Variants in DYNLL2 observed in about 807,000 individuals in gnomAD.
The protein encoded by DYNLL2 is dynein light chain 2, cytoplasmic.
DYNLL2 carries 1 observed loss-of-function variant against 9.7 expected under a neutral mutation model. The observed-to-expected ratio is 0.10, with a 90% CI of 0.04 to 0.49. DYNLL2 has a LOEUF of 0.49. DYNLL2 is among the 20% of genes least tolerant of loss of function. DYNLL2 has a pLI of 0.95. For missense variants in DYNLL2, 37 were observed against 115.2 expected, an observed-to-expected ratio of 0.32 and a Z score of 3.11; for synonymous variants, 35 against 40.5, an observed-to-expected ratio of 0.86 and a Z score of 0.52.
intron 1 of DYNLL2, among the ~76,000 whole-genome samples, 159 bp downstream of exon 1, chr17:58,083,842 G>A (rs1256096741): frequency 6.6e-6 from 1 of 151,642 alleles, no homozygotes; most frequent in Non-Finnish European, 1.5e-5. Context: ...TTGACGGTCC[G>A]GGCAGCGCAG....
At position 58,092,489 on chromosome 17, in the gene DYNLL2, G is replaced by A. The variant is rs1429520305; in HGVS notation, c.*3210G>A. The A allele has an allele frequency of 6.6e-6, 1 of 152,252 alleles. No homozygotes were observed. The highest frequency in any genetic ancestry group is 1.5e-5 in the Non-Finnish European group (1 of 68,088). 9.4% of individuals were successfully genotyped at this position (152,252 alleles called of 1,614,324 possible). A position where few individuals can be genotyped will look rare whatever the true frequency, so the allele number is the denominator to read the frequency against. ...AGTATGTGAGCATGTGTCACTGAAG[G>A]GACTGTGGAAAGCAGATGGAAATTG... On this transcript the variant is annotated 3_prime_UTR_variant, in exon 3 of 3. Coordinates refer to ENST00000579991, the MANE Select transcript of DYNLL2 (RefSeq NM_080677.3).
chr17:58,090,007 G>A lies in DYNLL2; in HGVS notation c.*728G>A, dbSNP rs575554182. The A allele has an allele frequency of 2.6e-3, 1,030 of 398,410 alleles. 6 individuals carry two copies. The highest frequency in any genetic ancestry group is 3.9e-3 in the Non-Finnish European group (890 of 226,026). The allele number at this position is 398,410 out of a possible 1,614,324, so 24.7% of individuals were successfully genotyped here. ...TTCCTGCCAGAGATCATGACAGGAG[G>A]ATGCTGGGGTAGGATTAGCTTGAAT... On this transcript the variant is annotated 3_prime_UTR_variant, in exon 3 of 3. Transcript: ENST00000579991.
chr17:58,089,593 C>T lies in DYNLL2; in HGVS notation c.*314C>T, dbSNP rs1363519442. Reference sequence around the variant, plus strand: ...CTTTCCCTATACAAAATAAAAGGCCCACCATAGAGACTAGGCGGCCGAAAG... The same window carrying T: ...CTTTCCCTATACAAAATAAAAGGCCTACCATAGAGACTAGGCGGCCGAAAG... On this transcript the variant is annotated 3_prime_UTR_variant, in exon 3 of 3. Coordinates refer to ENST00000579991, the MANE Select transcript of DYNLL2 (RefSeq NM_080677.3). 14 of 436,762 alleles carry T rather than the reference C, an allele frequency of 3.2e-5. No homozygotes were observed. The highest frequency in any genetic ancestry group is 4.0e-5 in the Non-Finnish European group (10 of 252,486). 27.1% of individuals were successfully genotyped at this position (436,762 alleles called of 1,614,324 possible).
chr17:58,086,592 G>C, intron 1 of DYNLL2, among the ~76,000 whole-genome samples: 1 of 152,222 alleles, frequency 6.6e-6, no homozygotes. Context: ...TCCTAGTCCA[G>C]CTTCTTTCTG....
chr17:58,085,166 C>T (rs761101453), intron 1 of DYNLL2, among the ~76,000 whole-genome samples: 6 of 152,202 alleles, frequency 3.9e-5, no homozygotes, highest in Non-Finnish European at 8.8e-5. Flanking sequence ...TGCTGGTCTA[C>T]TACCTCTTTG....
rs1555582592 is a variant in DYNLL2 at position 58,083,427 on chromosome 17, A to AGCGGAGCGGAGCGGTGAGGCGCCAGT, written c.-254_-253insGGTGAGGCGCCAGTGCGGAGCGGAGC. 1 of 102,720 alleles carries AGCGGAGCGGAGCGGTGAGGCGCCAGT rather than the reference A, an allele frequency of 9.7e-6. No homozygotes were observed. Among genetic ancestry groups the AGCGGAGCGGAGCGGTGAGGCGCCAGT allele is most frequent in the Non-Finnish European group, 1.9e-5 (1 of 51,714 alleles). 6.4% of individuals were successfully genotyped at this position (102,720 alleles called of 1,614,324 possible). ...GCGCGTCGGCCGCGCTCAGCGGCAG[A>AGCGGAGCGGAGCGGTGAGGCGCCAGT]GCGGAGCGGAGCTGTGAGGCGCCAG... On this transcript the variant is annotated 5_prime_UTR_variant, in exon 1 of 3. Transcript: ENST00000579991.
At chr17:58,086,911 C>CA (rs1371934808) in intron 1 of DYNLL2, among the ~76,000 whole-genome samples, 171 bp from the exon 2 acceptor site, 5 of 152,168 alleles carry the variant, frequency 3.3e-5, no homozygotes, top group Non-Finnish European at 7.4e-5. Flanking sequence ...AGGGTGGGAA[C>CA]AATGTCTCTG....
chr17:58,085,956 G>A (rs2075758519), intron 1 of DYNLL2, among the ~76,000 whole-genome samples: 1 of 152,330 alleles, frequency 6.6e-6, no homozygotes, highest in Middle Eastern at 3.4e-3. Flanking sequence ...GCACCAAAGA[G>A]ATGAGAAATC....
At position 58,091,067 on chromosome 17, in the gene DYNLL2, CTG is replaced by C. The variant is rs2075778380; in HGVS notation, c.*1792_*1793del. On this transcript the variant is annotated 3_prime_UTR_variant, in exon 3 of 3. Coordinates refer to ENST00000579991, the MANE Select transcript of DYNLL2 (RefSeq NM_080677.3). ...TTTATTTTTTTATGAATGTCCAAATCTGTGTTTCCCCCTGCCCTCCCAGACTG... is the reference window on the plus strand; with the variant it reads ...TTTATTTTTTTATGAATGTCCAAATCTGTTTCCCCCTGCCCTCCCAGACTG... 1 of 152,108 alleles carries C rather than the reference CTG, an allele frequency of 6.6e-6. No individual in the cohort carries two copies. The highest frequency in any genetic ancestry group is 1.5e-5 in the Non-Finnish European group (1 of 68,044). The allele number at this position is 152,108 out of a possible 1,614,324, so 9.4% of individuals were successfully genotyped here. A position where few individuals can be genotyped will look rare whatever the true frequency, so the allele number is the denominator to read the frequency against.
At chr17:58,085,050 T>TA (rs941674319) in intron 1 of DYNLL2, among the ~76,000 whole-genome samples, 1 of 152,234 alleles carries the variant, frequency 6.6e-6, no homozygotes, top group Non-Finnish European at 1.5e-5. Flanking sequence ...ACGTAACTAG[T>TA]CATTCCTTGA....
Position 58,089,412 on chromosome 17 carries a change from G to A in DYNLL2, c.*133G>A, listed in dbSNP as rs372402569. ...GTGCTACTGCATGGACTGTATACTC[G>A]ATTTCATGTGTATGTCGCAGTAAAC... On this transcript the variant is annotated 3_prime_UTR_variant, in exon 3 of 3. Coordinates refer to ENST00000579991, the MANE Select transcript of DYNLL2 (RefSeq NM_080677.3). The A allele has an allele frequency of 5.1e-6, 6 of 1,177,486 alleles. No individual in the cohort carries two copies. The highest frequency in any genetic ancestry group is 4.7e-6 in the Non-Finnish European group (4 of 852,192). 72.9% of individuals were successfully genotyped at this position (1,177,486 alleles called of 1,614,324 possible). A position where few individuals can be genotyped will look rare whatever the true frequency, so the allele number is the denominator to read the frequency against.
chr17:58,089,694 G>T lies in DYNLL2; in HGVS notation c.*415G>T. 2.4e-6 allele frequency: 1 copy of T among 409,138 alleles called. No homozygotes were observed. The highest frequency in any genetic ancestry group is 4.3e-6 in the Non-Finnish European group (1 of 234,502). The allele number at this position is 409,138 out of a possible 1,614,324, so 25.3% of individuals were successfully genotyped here. On this transcript the variant is annotated 3_prime_UTR_variant, in exon 3 of 3. Coordinates refer to ENST00000579991, the MANE Select transcript of DYNLL2 (RefSeq NM_080677.3). ...TGTGCAGCTGCCTCTTCCTGGCGGT[G>T]GATGCTGCTTTGGGAGGGCCAGGGA...
chr17:58,084,135 G>C (rs1598086975), intron 1 of DYNLL2, among the ~76,000 whole-genome samples: 1 of 151,978 alleles, frequency 6.6e-6, no homozygotes, highest in Non-Finnish European at 1.5e-5. Context: ...TCCAGGCCGG[G>C]TGGGGGAGGG....
chr17:58,084,827 C>T (rs1489248965), intron 1 of DYNLL2, among the ~76,000 whole-genome samples: 1 of 151,980 alleles, frequency 6.6e-6, no homozygotes, highest in Non-Finnish European at 1.5e-5. Context: ...ACCCCCACCC[C>T]TGGGTTTGTA....
At chr17:58,085,861 T>C (rs760722942) in intron 1 of DYNLL2, among the ~76,000 whole-genome samples, 3 of 152,346 alleles carry the variant, frequency 2.0e-5, no homozygotes, top group Middle Eastern at 3.4e-3. Flanking sequence ...AAATAAGATA[T>C]TGTCTCCTAA....
intron 1 of DYNLL2, among the ~76,000 whole-genome samples, chr17:58,084,935 C>T (rs557816020): frequency 6.6e-6 from 1 of 152,036 alleles, no homozygotes; most frequent in South Asian, 2.1e-4. Context: ...GAACCTTTCT[C>T]CCTGTGCTGC....
intron 2 of DYNLL2, 98 bp downstream of exon 2, chr17:58,087,320 A>G (rs2075763708): frequency 6.6e-7 from 1 of 1,522,920 alleles, no homozygotes; most frequent in Non-Finnish European, 8.9e-7. Context: ...GAAAGCCCGT[A>G]TATCCTGTGC....
intron 2 of DYNLL2, among the ~76,000 whole-genome samples, chr17:58,087,527 A>G (rs1322906869): frequency 1.3e-5 from 2 of 152,200 alleles, no homozygotes; most frequent in Non-Finnish European, 2.9e-5. Flanking sequence ...TCAGAATTAA[A>G]TATTTCTGGC....
chr17:58,085,020 A>G (rs988886964), intron 1 of DYNLL2, among the ~76,000 whole-genome samples: 1 of 152,242 alleles, frequency 6.6e-6, no homozygotes, highest in Non-Finnish European at 1.5e-5. Context: ...TAAAATGAAG[A>G]TGTTGATTTG....
Sources: gnomAD v4.1 joint callset for allele counts (sites outside exome capture counted in the v4.1 genomes callset) on GRCh38, gnomAD v4.1.1 for gene constraint, MANE v1.5 for transcripts, NCBI Gene and HGNC (gene_info 2026-07-23, HGNC 2026-07-21) for gene names.